Variants in DOCK2 observed in about 807,000 individuals in gnomAD.
DOCK2 encodes the protein dedicator of cytokinesis 2.
In DOCK2, 87 loss-of-function variants were observed where a neutral mutation model predicts 248.9. That is an observed-to-expected ratio of 0.35 (90% confidence interval 0.29 to 0.42). The LOEUF (loss-of-function observed/expected upper bound fraction) is 0.42. DOCK2 is among the 10% of genes least tolerant of loss of function. The pLI is 1.00. For synonymous variants in DOCK2, 805 were observed against 821.6 expected, an observed-to-expected ratio of 0.98 and a Z score of 0.35; for missense variants, 1,747 against 2,300.2, an observed-to-expected ratio of 0.76 and a Z score of 4.92.
At chr5:169,961,918 G>A (rs1415045288) in intron 27 of DOCK2, among the ~76,000 whole-genome samples, 1 of 141,010 alleles carries the variant, frequency 7.1e-6, no homozygotes, top group Admixed American at 7.3e-5. Context: ...GGCGGAGGTT[G>A]CAGTGAGCCG....
intron 50 of DOCK2, chr5:170,080,575 CAGTT>C (rs10609053): frequency 0.2 from 78,094 of 383,272 alleles, 11,200 homozygotes; most frequent in African/African-American, 0.47. Flanking sequence ...CCCTTGTTCT[CAGTT>C]AGCCAGGCCT....
rs193261465 is a variant in DOCK2, at chr5:169,878,923, C to T, written c.2799+38071C>T. 2.1e-3 allele frequency among the ~76,000 whole-genome samples: 318 copies of T among 152,256 alleles called. 1 individual carries two copies. Among genetic ancestry groups the T allele is most frequent in the African/African-American group, 6.9e-3 (288 of 41,546 alleles). On this transcript the variant is annotated intron_variant, in intron 27 of 51. Coordinates refer to ENST00000520908, the MANE Select transcript of DOCK2 (RefSeq NM_004946.3). ...AGCTCCTGAGAGCCATGGATAGAAT[C>T]TCTAGGCATTGGTGTTGGGTCTGTG...
chr5:170,055,468 C>T lies in DOCK2; in HGVS notation c.4295+82C>T, dbSNP rs540774860. 1.2e-3 allele frequency: 1,590 copies of T among 1,278,434 alleles called. 4 individuals carry two copies. Among genetic ancestry groups the T allele is most frequent in the Non-Finnish European group, 1.6e-3 (1,387 of 882,320 alleles). 79.2% of individuals were successfully genotyped at this position (1,278,434 alleles called of 1,614,324 possible). A position where few individuals can be genotyped will look rare whatever the true frequency, so the allele number is the denominator to read the frequency against. ...CAAACTGAGCTGGTGGCAGAACAGA[C>T]CCCAGTGTCTTTCTAGTTCCTTCTC... On this transcript the variant is annotated intron_variant, in intron 42 of 51. Coordinates refer to ENST00000520908, the MANE Select transcript of DOCK2 (RefSeq NM_004946.3).
chr5:169,730,026 G>T (rs1198163386), intron 22 of DOCK2, among the ~76,000 whole-genome samples: 1 of 152,122 alleles, frequency 6.6e-6, no homozygotes, highest in East Asian at 1.9e-4. Context: ...GCACAATCTC[G>T]ACTCACTGCA....
intron 27 of DOCK2, among the ~76,000 whole-genome samples, chr5:169,868,054 A>G (rs566425455): frequency 6.6e-6 from 1 of 152,294 alleles, no homozygotes; most frequent in South Asian, 2.1e-4. Context: ...ATCATAGAGT[A>G]CCAGATAGAG....
intron 49 of DOCK2, 175 bp from the exon 50 acceptor site, chr5:170,079,988 C>A: frequency 9.1e-7 from 1 of 1,100,544 alleles, no homozygotes; most frequent in Non-Finnish European, 1.3e-6. Flanking sequence ...GCAACCTGTG[C>A]AACCATATGT....
At chr5:169,756,090 G>A (rs1446987332) in intron 23 of DOCK2, among the ~76,000 whole-genome samples, 2 of 152,218 alleles carry the variant, frequency 1.3e-5, no homozygotes, top group Admixed American at 6.5e-5. Flanking sequence ...ATACTCCCCT[G>A]TCATGTTGCT....
chr5:170,026,995 G>A (rs964756528), intron 33 of DOCK2, among the ~76,000 whole-genome samples: 1 of 152,142 alleles, frequency 6.6e-6, no homozygotes, highest in Admixed American at 6.5e-5. Context: ...AAAGTGTCAG[G>A]TGTGGCTGAA....
chr5:169,801,146 G>T (rs1481229381), intron 25 of DOCK2, among the ~76,000 whole-genome samples: 1 of 76,050 alleles, frequency 1.3e-5, no homozygotes, highest in Non-Finnish European at 2.8e-5. Flanking sequence ...ATAGTTTTGG[G>T]TTTTTTTTTT....
At chr5:170,046,779 C>T (rs1756730297) in intron 39 of DOCK2, among the ~76,000 whole-genome samples, 1 of 152,056 alleles carries the variant, frequency 6.6e-6, no homozygotes, top group Non-Finnish European at 1.5e-5. Context: ...TACACACACA[C>T]ACACACACAC....
At chr5:169,657,892 A>T (rs1004155952) in intron 2 of DOCK2, among the ~76,000 whole-genome samples, 1 of 152,234 alleles carries the variant, frequency 6.6e-6, no homozygotes, top group Admixed American at 6.5e-5. Flanking sequence ...TATGGCTACC[A>T]TAAAGAATGT....
intron 27 of DOCK2, among the ~76,000 whole-genome samples, chr5:169,941,885 C>T (rs747503332): frequency 1.7e-4 from 26 of 152,218 alleles, no homozygotes; most frequent in Admixed American, 1.0e-3. Context: ...CAGGGTCACG[C>T]TGCATCAGGA....
intron 3 of DOCK2, among the ~76,000 whole-genome samples, chr5:169,670,247 G>A (rs1758971732): frequency 6.6e-6 from 1 of 152,158 alleles, no homozygotes; most frequent in Non-Finnish European, 1.5e-5. Flanking sequence ...CCACCTGCAG[G>A]ATGAGTGGCC....
At chr5:169,785,922 G>T (rs1765957550) in intron 25 of DOCK2, among the ~76,000 whole-genome samples, 1 of 152,170 alleles carries the variant, frequency 6.6e-6, no homozygotes, top group African/African-American at 2.4e-5. Context: ...CTTATGGGCA[G>T]TTAGAGTCAA....
chr5:169,668,686 C>A (rs1758864473), intron 2 of DOCK2, among the ~76,000 whole-genome samples: 1 of 152,212 alleles, frequency 6.6e-6, no homozygotes, highest in African/African-American at 2.4e-5. Context: ...CTCATTGATA[C>A]ATTTTTTAAT....
At chr5:169,662,488 A>C (rs995611373) in intron 2 of DOCK2, among the ~76,000 whole-genome samples, 1 of 152,196 alleles carries the variant, frequency 6.6e-6, no homozygotes, top group African/African-American at 2.4e-5. Flanking sequence ...CCAGTGTATT[A>C]GTCTGTTTTC....
intron 14 of DOCK2, among the ~76,000 whole-genome samples, chr5:169,706,413 C>A (rs1761271498): frequency 6.6e-6 from 1 of 152,196 alleles, no homozygotes; most frequent in Non-Finnish European, 1.5e-5. Flanking sequence ...GTTGTCCTGG[C>A]TTTGCCACTT....
chr5:169,920,882 A>C (rs956992435), intron 27 of DOCK2, among the ~76,000 whole-genome samples: 3 of 151,924 alleles, frequency 2.0e-5, no homozygotes, highest in African/African-American at 7.3e-5. Flanking sequence ...CAAGCCCAGT[A>C]GTGGGCAGTT....
At chr5:169,901,060 C>T (rs1310945073) in intron 27 of DOCK2, among the ~76,000 whole-genome samples, 1 of 151,990 alleles carries the variant, frequency 6.6e-6, no homozygotes, top group Non-Finnish European at 1.5e-5. Flanking sequence ...ATGTTGTGAC[C>T]AAAAAATAGA....
Sources: allele counts gnomAD v4.1 joint callset (sites outside exome capture counted in the v4.1 genomes callset), GRCh38; gene constraint gnomAD v4.1.1; transcripts MANE v1.5; gene names NCBI Gene and HGNC (gene_info 2026-07-23, HGNC 2026-07-21).